Variants in PREX2 observed in about 807,000 individuals in gnomAD.
PREX2 encodes the protein phosphatidylinositol 3,4,5-trisphosphate-dependent Rac exchanger 2 protein.
In PREX2, 107 loss-of-function variants were observed where a neutral mutation model predicts 203.2. That is an observed-to-expected ratio of 0.53 (90% CI 0.45 to 0.62). The LOEUF is 0.62. Among genes scored for constraint, PREX2 ranks in the 20% least tolerant of loss-of-function variants. The probability of loss-of-function intolerance (pLI) is 0.00; values close to 1 mark genes in which losing one functional copy is unlikely to be tolerated. For missense variants in PREX2, 1,777 were observed against 1,955.9 expected (o/e 0.91, Z 1.72); for synonymous variants, 672 against 663.6 (o/e 1.01, Z -0.19).
chr8:68,052,167 C>T (rs530558112), intron 8 of PREX2, among the ~76,000 whole-genome samples: 23 of 152,276 alleles, frequency 1.5e-4, no homozygotes, highest in African/African-American at 5.5e-4. Context: ...GGCTTACCTC[C>T]TCAACACTGG....
At chr8:68,065,978 A>T (rs1809005577) in intron 11 of PREX2, among the ~76,000 whole-genome samples, 1 of 152,182 alleles carries the variant, frequency 6.6e-6, no homozygotes, top group Non-Finnish European at 1.5e-5. Flanking sequence ...TTGTGAAATG[A>T]TCACCACAAT....
At chr8:68,229,591 G>T (rs1813126828) in intron 39 of PREX2, among the ~76,000 whole-genome samples, 1 of 152,202 alleles carries the variant, frequency 6.6e-6, no homozygotes, top group African/African-American at 2.4e-5. Context: ...TTCATTAGGT[G>T]ATCACAGGGA....
chr8:67,975,828 C>T (rs1054750306), intron 1 of PREX2, among the ~76,000 whole-genome samples: 24 of 150,018 alleles, frequency 1.6e-4, no homozygotes, highest in Admixed American at 6.0e-4. Flanking sequence ...CTCAGCCTCC[C>T]GAGTAGCTGG....
chr8:68,018,048 A>G, intron 2 of PREX2, 131 bp downstream of exon 2: 1 of 658,706 alleles, frequency 1.5e-6, no homozygotes, highest in Non-Finnish European at 2.7e-6. Flanking sequence ...AGTCAGTTGT[A>G]TTGGTAATAA....
chr8:68,134,521 C>CTG (rs928217418), intron 32 of PREX2, among the ~76,000 whole-genome samples: 8 of 152,060 alleles, frequency 5.3e-5, no homozygotes, highest in Admixed American at 1.3e-4. Flanking sequence ...AAGCCTCCAT[C>CTG]TGTTACTAAT....
At chr8:68,014,032 A>T (rs1189340015) in intron 1 of PREX2, among the ~76,000 whole-genome samples, 1 of 152,198 alleles carries the variant, frequency 6.6e-6, no homozygotes, top group Non-Finnish European at 1.5e-5. Context: ...ATGTTGAAAG[A>T]GATCATTTTG....
chr8:68,180,099 T>A (rs1812056083), intron 35 of PREX2, among the ~76,000 whole-genome samples: 1 of 152,148 alleles, frequency 6.6e-6, no homozygotes, highest in African/African-American at 2.4e-5. Flanking sequence ...CAACTGCTAT[T>A]TCTATTGTTC....
chr8:68,052,987 A>T (rs2129611128), intron 8 of PREX2, 110 bp from the exon 9 acceptor site: 1 of 873,644 alleles, frequency 1.1e-6, no homozygotes, highest in East Asian at 2.5e-5. Flanking sequence ...AAGCAAAGAG[A>T]TGTTGAACAA....
At chr8:68,121,158 T>C in intron 30 of PREX2, 109 bp downstream of exon 30, 1 of 1,162,554 alleles carries the variant, frequency 8.6e-7, no homozygotes, top group Non-Finnish European at 1.3e-6. Context: ...GTGTTTCCTT[T>C]TGTGAAGAAA....
At chr8:68,227,419 G>A (rs375836775) in intron 39 of PREX2, among the ~76,000 whole-genome samples, 1 of 152,294 alleles carries the variant, frequency 6.6e-6, no homozygotes, top group East Asian at 1.9e-4. Context: ...CGCACAGGGA[G>A]GAGATGGGGA....
At chr8:68,193,738 G>A (rs1274483540) in intron 37 of PREX2, among the ~76,000 whole-genome samples, 1 of 152,182 alleles carries the variant, frequency 6.6e-6, no homozygotes, top group Non-Finnish European at 1.5e-5. Context: ...GGTTAGATAT[G>A]GGAACTCTTC....
At chr8:68,157,923 ACTGT>A (rs1811573169) in intron 35 of PREX2, among the ~76,000 whole-genome samples, 2 of 151,940 alleles carry the variant, frequency 1.3e-5, no homozygotes, top group Admixed American at 6.6e-5. Flanking sequence ...CTTGCATTTT[ACTGT>A]CTTTTTCCCC....
intron 32 of PREX2, among the ~76,000 whole-genome samples, chr8:68,135,059 T>A (rs186151131): frequency 6.6e-6 from 1 of 151,708 alleles, no homozygotes; most frequent in East Asian, 2.0e-4. Context: ...ACATAGAAAA[T>A]GTAGCTACCA....
Position 67,976,807 on chromosome 8 carries a change from G to T in PREX2, c.141+24272G>T, listed in dbSNP as rs911693304. Reference sequence around the variant, plus strand: ...GACAGAGCGAGAGGGGAGAGAGAGAGAGAGAGTGAGACAGAGAGAGAGAAG... The same window carrying T: ...GACAGAGCGAGAGGGGAGAGAGAGATAGAGAGTGAGACAGAGAGAGAGAAG... On this transcript the variant is annotated intron_variant, in intron 1 of 39. Transcript: ENST00000288368. Among the ~76,000 whole-genome samples, 2 of 132,292 alleles carry T rather than the reference G, an allele frequency of 1.5e-5. 1 individual carries two copies. The highest frequency in any genetic ancestry group is 5.3e-5 in the African/African-American group (2 of 38,054). 86.8% of individuals were successfully genotyped at this position (132,292 alleles called of 152,430 possible).
intron 1 of PREX2, among the ~76,000 whole-genome samples, chr8:67,995,337 G>A (rs1397897167): frequency 6.6e-6 from 1 of 152,106 alleles, no homozygotes; most frequent in African/African-American, 2.4e-5. Flanking sequence ...TTGAAGATAA[G>A]TGATGGGCAC....
At chr8:68,051,310 G>T (rs1439477135) in intron 8 of PREX2, among the ~76,000 whole-genome samples, 1 of 151,730 alleles carries the variant, frequency 6.6e-6, no homozygotes, top group Non-Finnish European at 1.5e-5. Flanking sequence ...GGCTACTCTG[G>T]TTTTCTTTAT....
rs1813183091 is a variant in PREX2 at position 68,232,296 on chromosome 8, A to G, written c.*918A>G. ...TGAGAGGTCAGACTCTTCAAAGAAT[A>G]CACCATCATGAGAATTTTTCTGTTA... On this transcript the variant is annotated 3_prime_UTR_variant, in exon 40 of 40. Coordinates refer to ENST00000288368, the MANE Select transcript of PREX2 (RefSeq NM_024870.4). 1 of 152,204 alleles carries G rather than the reference A, an allele frequency of 6.6e-6. No homozygotes were observed. The highest frequency in any genetic ancestry group is 2.4e-5 in the African/African-American group (1 of 41,464). 9.4% of individuals were successfully genotyped at this position (152,204 alleles called of 1,614,324 possible).
chr8:67,960,389 C>T (rs1805603381), intron 1 of PREX2, among the ~76,000 whole-genome samples: 1 of 152,176 alleles, frequency 6.6e-6, no homozygotes, highest in Non-Finnish European at 1.5e-5. Context: ...TTATCTCCCT[C>T]TCCTCTGTCT....
intron 1 of PREX2, among the ~76,000 whole-genome samples, chr8:67,976,442 GAGAGAC>G (rs1806089286): frequency 8.0e-6 from 1 of 124,924 alleles, no homozygotes; most frequent in Admixed American, 8.7e-5. Context: ...AGAGATGGGA[GAGAGAC>G]AGAGAGAGAG....
Sources: gnomAD v4.1 joint callset for allele counts (sites outside exome capture counted in the v4.1 genomes callset) on GRCh38, gnomAD v4.1.1 for gene constraint, MANE v1.5 for transcripts, NCBI Gene and HGNC (gene_info 2026-07-23, HGNC 2026-07-21) for gene names.